The following FBLN1 variants were observed in gnomAD, a reference collection of about 807,000 sequenced individuals.
The protein encoded by FBLN1 is fibulin-1.
In FBLN1, 34 loss-of-function variants were observed where a neutral mutation model predicts 89.7. The ratio of observed to expected loss-of-function variants is 0.38; its 90% CI spans 0.29 to 0.50. The LOEUF is 0.50. Among genes scored for constraint, FBLN1 ranks in the 20% least tolerant of loss-of-function variants. The pLI, the probability that FBLN1 is intolerant of heterozygous loss-of-function variation, is 0.92. For missense variants in FBLN1, 777 were observed against 988.1 expected (o/e 0.79, Z 2.86); for synonymous variants, 393 against 391.3 (o/e 1.00, Z -0.05).
intron 16 of FBLN1, among the ~76,000 whole-genome samples, chr22:45,591,914 A>C (rs1398429924): frequency 1.6e-5 from 2 of 126,690 alleles, no homozygotes; most frequent in Admixed American, 1.7e-4. Context: ...TTTTGCAGAC[A>C]GGAGGGAGGA....
intron 16 of FBLN1, among the ~76,000 whole-genome samples, chr22:45,589,086 TTA>T (rs933077511): frequency 7.0e-5 from 8 of 115,106 alleles, no homozygotes; most frequent in African/African-American, 2.2e-4. Context: ...AAAATATTTT[TTA>T]TATATATAAA....
intron 1 of FBLN1, among the ~76,000 whole-genome samples, chr22:45,509,685 G>A (rs899484776): frequency 6.6e-6 from 1 of 152,060 alleles, no homozygotes; most frequent in Non-Finnish European, 1.5e-5. Flanking sequence ...GGTGGTAGGC[G>A]CCTGTAATCC....
Position 45,519,147 on chromosome 22 carries a change from G to A in FBLN1, c.185+360G>A, listed in dbSNP as rs146197856. Among the ~76,000 whole-genome samples, 819 of 152,266 alleles carry A rather than the reference G, an allele frequency of 5.4e-3. 11 individuals are homozygous for A. The highest frequency in any genetic ancestry group is 0.035 in the South Asian group (169 of 4,826). ...ATGATGTGACTAAAGAGCTTTGCGAGTGGAAACACGGACCACCTACAGACC... is the reference window on the plus strand; with the variant it reads ...ATGATGTGACTAAAGAGCTTTGCGAATGGAAACACGGACCACCTACAGACC... On this transcript the variant is annotated intron_variant, in intron 2 of 16. Coordinates refer to ENST00000327858, the MANE Select transcript of FBLN1 (RefSeq NM_006486.3).
At chr22:45,585,688 C>T (rs2146656853) in intron 16 of FBLN1, among the ~76,000 whole-genome samples, 1 of 152,316 alleles carries the variant, frequency 6.6e-6, no homozygotes, top group African/African-American at 2.4e-5. Context: ...CAGCTGCGGC[C>T]TGACTCCATC....
At chr22:45,560,110 A>G (rs2147009035) in intron 14 of FBLN1, among the ~76,000 whole-genome samples, 1 of 152,370 alleles carries the variant, frequency 6.6e-6, no homozygotes, top group East Asian at 1.9e-4. Context: ...CCAGAGCTCT[A>G]CACGAGACAG....
chr22:45,528,463 G>T (rs1486079112), intron 4 of FBLN1, among the ~76,000 whole-genome samples: 4 of 152,058 alleles, frequency 2.6e-5, no homozygotes, highest in Admixed American at 2.6e-4. Context: ...TTGTGCCTCA[G>T]CCTCCCGAGT....
intron 12 of FBLN1, among the ~76,000 whole-genome samples, chr22:45,548,259 G>A (rs934151978): frequency 3.9e-5 from 6 of 152,084 alleles, no homozygotes; most frequent in African/African-American, 1.2e-4. Context: ...CTTTGTTGCC[G>A]AGGCTGGTCT....
chr22:45,595,592 G>T (rs2146669222), intron 16 of FBLN1, among the ~76,000 whole-genome samples: 1 of 14,478 alleles, frequency 6.9e-5, no homozygotes, highest in South Asian at 1.4e-3. Context: ...CCATTGTAGA[G>T]ACCAAACCTC....
In FBLN1 at chr22:45,523,285, G is replaced by A. The variant is rs145398267; in HGVS notation, c.186-2258G>A. 142 of 621,746 alleles carry A rather than the reference G, an allele frequency of 2.3e-4. 1 individual carries two copies. Among genetic ancestry groups the A allele is most frequent in the African/African-American group, 2.1e-3 (120 of 56,106 alleles). The allele number at this position is 621,746 out of a possible 1,614,324, so 38.5% of individuals were successfully genotyped here. Reference sequence around the variant, plus strand: ...CAGGGAGGAAGCACCAGATACAAGGGTAACCAGGTGGCTGAGGGGGCCATG... The same window carrying A: ...CAGGGAGGAAGCACCAGATACAAGGATAACCAGGTGGCTGAGGGGGCCATG... On this transcript the variant is annotated intron_variant, in intron 2 of 16. Coordinates refer to ENST00000327858, the MANE Select transcript of FBLN1 (RefSeq NM_006486.3).
chr22:45,553,321 C>G (rs1369283541), intron 14 of FBLN1, among the ~76,000 whole-genome samples: 1 of 152,216 alleles, frequency 6.6e-6, no homozygotes, highest in East Asian at 1.9e-4. Flanking sequence ...TCCTCTAACG[C>G]ATGACATGGC....
intron 16 of FBLN1, among the ~76,000 whole-genome samples, chr22:45,582,478 G>A (rs1239216225): frequency 1.3e-5 from 2 of 152,138 alleles, no homozygotes; most frequent in African/African-American, 2.4e-5. Context: ...TTTACCTGCC[G>A]AGGGCCCACT....
chr22:45,598,219 G>A (rs773766711), intron 16 of FBLN1, among the ~76,000 whole-genome samples: 7 of 152,196 alleles, frequency 4.6e-5, no homozygotes, highest in East Asian at 1.9e-4. Context: ...AGCTCACACC[G>A]TTCACACTGC....
Position 45,536,213 on chromosome 22 carries a change from T to A in FBLN1, c.922+876T>A, listed in dbSNP as rs2088480524. ...ATATAAAAATAAAAAACAGTCTGTG[T>A]TAGTATTTGAATTCATAGAGACAGA... is the stretch of plus-strand genomic sequence containing the variant. On this transcript the variant is annotated intron_variant, in intron 8 of 16. Transcript: ENST00000327858. The surrounding 1 kb of genome is among the most constrained non-coding windows in gnomAD (Gnocchi z 5.1). Among the ~76,000 whole-genome samples, 2 of 152,070 alleles carry A rather than the reference T, an allele frequency of 1.3e-5. No individual in the cohort carries two copies. Among genetic ancestry groups the A allele is most frequent in the South Asian group, 4.1e-4 (2 of 4,822 alleles).
chr22:45,562,822 G>A lies in FBLN1; in HGVS notation c.1698-11689G>A. ...AGAGGGGCGGCGGGAGGCCCCGCCT[G>A]CCAGCCCCGCATCCCCGCGCTCTGC... On this transcript the variant is annotated intron_variant, in intron 14 of 16. Coordinates refer to ENST00000327858, the MANE Select transcript of FBLN1 (RefSeq NM_006486.3). The surrounding 1 kb of genome is among the most constrained non-coding windows in gnomAD (Gnocchi z 7.8). 1.5e-6 allele frequency: 2 copies of A among 1,322,302 alleles called. No individual in the cohort carries two copies. The highest frequency in any genetic ancestry group is 1.1e-6 in the Non-Finnish European group (1 of 926,802). 81.9% of individuals were successfully genotyped at this position (1,322,302 alleles called of 1,614,324 possible).
intron 2 of FBLN1, among the ~76,000 whole-genome samples, chr22:45,520,722 A>G (rs2088238968): frequency 6.6e-6 from 1 of 152,186 alleles, no homozygotes; most frequent in South Asian, 2.1e-4. Flanking sequence ...ATTCAGCAGC[A>G]CTCTGGGCCT....
intron 11 of FBLN1, among the ~76,000 whole-genome samples, chr22:45,544,299 C>T (rs1253452163): frequency 6.6e-6 from 1 of 152,208 alleles, no homozygotes; most frequent in Non-Finnish European, 1.5e-5. Flanking sequence ...GTTGGCCAGG[C>T]TGGTCTTGAA....
intron 10 of FBLN1, among the ~76,000 whole-genome samples, chr22:45,542,778 G>A (rs1861110723): frequency 6.6e-6 from 1 of 152,246 alleles, no homozygotes; most frequent in Admixed American, 6.5e-5. Context: ...CCCAAAGTGG[G>A]CACTTTGCTA....
chr22:45,546,365 T>C (rs188932685), intron 11 of FBLN1, among the ~76,000 whole-genome samples: 21 of 152,268 alleles, frequency 1.4e-4, no homozygotes, highest in East Asian at 7.8e-4. Context: ...TACAGGTGCG[T>C]GCCACCATGC....
At chr22:45,518,828 C>T (rs1157836837) in intron 2 of FBLN1, 41 bp downstream of exon 2, 3 of 1,512,020 alleles carry the variant, frequency 2.0e-6, no homozygotes, top group Non-Finnish European at 2.7e-6. Flanking sequence ...GAACAATGTT[C>T]CTTTAGAGAA....
Sources: gnomAD v4.1 joint callset for allele counts (sites outside exome capture counted in the v4.1 genomes callset) on GRCh38, gnomAD v4.1.1 for gene constraint, Gnocchi (gnomAD v3.1) non-coding constraint, MANE v1.5 for transcripts, NCBI Gene and HGNC (gene_info 2026-07-23, HGNC 2026-07-21) for gene names.